ENOX1: variants seen among roughly 807,000 people sequenced by gnomAD.
The protein encoded by ENOX1 is candidate growth-related and time keeping constitutive hydroquinone (NADH) oxidase.
A neutral mutation model predicts 82.5 loss-of-function variants in ENOX1; 42 were observed. That is an observed-to-expected ratio of 0.51 (90% CI 0.40 to 0.66). The LOEUF (loss-of-function observed/expected upper bound fraction) is 0.66. Ranked by LOEUF, ENOX1 falls within the 30% of genes least tolerant of loss-of-function variation. The probability of loss-of-function intolerance (pLI) is 0.00; values close to 1 mark genes in which losing one functional copy is unlikely to be tolerated. For missense variants in ENOX1, 608 were observed against 811.6 expected (o/e 0.75, Z 3.05); for synonymous variants, 271 against 282.2 (o/e 0.96, Z 0.40).
rs146299003 is a variant in ENOX1 at position 43,333,210 on chromosome 13, G to C, written c.1037-6685C>G. 1.3e-3 allele frequency among the ~76,000 whole-genome samples: 195 copies of C among 152,288 alleles called. 4 individuals are homozygous for C. The East Asian group carries it at 0.025, about 19-fold the overall frequency. On this transcript the variant is annotated intron_variant, in intron 9 of 16. Coordinates refer to ENST00000690772, the MANE Select transcript of ENOX1 (RefSeq NM_001347969.2). ...AAAATTCTTAGCAGTAGAAAGGCTAGATAAAAGAGCACCTGAATTTTTAAT... is the reference window on the plus strand; with the variant it reads ...AAAATTCTTAGCAGTAGAAAGGCTACATAAAAGAGCACCTGAATTTTTAAT...
rs1163694448 is a variant in ENOX1 at position 43,242,834 on chromosome 13, C to T, written c.1612-6096G>A. ...GATACAGGGCTCCTATGTAAAGCTT[C>T]ATTTAAAGAAATGTCCTTAGGCCGG... On this transcript the variant is annotated intron_variant, in intron 14 of 16. Transcript: ENST00000690772. Among the ~76,000 whole-genome samples, 9 of 152,306 alleles carry T rather than the reference C, an allele frequency of 5.9e-5. No individual in the cohort carries two copies. The South Asian group carries it at 1.9e-3, about 32-fold the overall frequency.
intron 1 of ENOX1, among the ~76,000 whole-genome samples, chr13:43,722,113 G>A (rs954542766): frequency 4.6e-5 from 7 of 152,172 alleles, no homozygotes; most frequent in Admixed American, 6.5e-5. Context: ...AATTGGATTA[G>A]TCTTTGTGAT....
rs1414598167 is a variant in ENOX1 at position 43,597,736 on chromosome 13, C to G, written c.-219+69743G>C. On this transcript the variant is annotated intron_variant, in intron 2 of 16. Coordinates refer to ENST00000690772, the MANE Select transcript of ENOX1 (RefSeq NM_001347969.2). ...TCTCCCATCTCACTCAGAGAAAAAG[C>G]TGAGTCCTTACATCAGCCTGCAGGG... 3.3e-5 allele frequency among the ~76,000 whole-genome samples: 5 copies of G among 152,192 alleles called. No homozygotes were observed. The East Asian group carries it at 7.7e-4, about 23-fold the overall frequency.
At chr13:43,512,263 A>G (rs2077397785) in intron 2 of ENOX1, among the ~76,000 whole-genome samples, 1 of 152,070 alleles carries the variant, frequency 6.6e-6, no homozygotes, top group Admixed American at 6.6e-5. Context: ...ATATACTTCT[A>G]ATTACCCAGC....
intron 12 of ENOX1, among the ~76,000 whole-genome samples, chr13:43,273,205 A>T (rs2044794293): frequency 1.3e-5 from 2 of 152,244 alleles, no homozygotes; most frequent in Middle Eastern, 3.4e-3. Flanking sequence ...CTTGAAGTCA[A>T]CGCTGGCCCT....
At chr13:43,585,619 C>T (rs1019233078) in intron 2 of ENOX1, among the ~76,000 whole-genome samples, 3 of 152,198 alleles carry the variant, frequency 2.0e-5, no homozygotes, top group African/African-American at 7.2e-5. Context: ...ACACTGTGGC[C>T]TGGGCTGGAG....
At chr13:43,752,365 G>A (rs1370499298) in intron 1 of ENOX1, among the ~76,000 whole-genome samples, 1 of 152,070 alleles carries the variant, frequency 6.6e-6, no homozygotes, top group Non-Finnish European at 1.5e-5. Context: ...CTTTTGATGA[G>A]CAGAAATTTT....
chr13:43,353,681 A>C (rs2049956660), intron 8 of ENOX1, among the ~76,000 whole-genome samples: 1 of 152,228 alleles, frequency 6.6e-6, no homozygotes, highest in African/African-American at 2.4e-5. Context: ...GCTTGGGTTG[A>C]AATTGTCAAG....
intron 1 of ENOX1, among the ~76,000 whole-genome samples, chr13:43,778,329 A>T (rs1026396230): frequency 1.3e-5 from 2 of 152,150 alleles, no homozygotes; most frequent in African/African-American, 4.8e-5. Context: ...TTACCCCTTT[A>T]TCCCCTTTGG....
intron 11 of ENOX1, among the ~76,000 whole-genome samples, chr13:43,312,165 T>A (rs1014608421): frequency 6.6e-6 from 1 of 152,162 alleles, no homozygotes; most frequent in Non-Finnish European, 1.5e-5. Flanking sequence ...TCTCATTAAT[T>A]TAGGACATTG....
At chr13:43,295,187 T>C (rs1285700872) in intron 12 of ENOX1, among the ~76,000 whole-genome samples, 1 of 152,214 alleles carries the variant, frequency 6.6e-6, no homozygotes, top group African/African-American at 2.4e-5. Flanking sequence ...TGTATAGTCT[T>C]TACTTGTACA....
intron 11 of ENOX1, among the ~76,000 whole-genome samples, chr13:43,309,173 C>T (rs2047045688): frequency 6.6e-6 from 1 of 151,982 alleles, no homozygotes; most frequent in Non-Finnish European, 1.5e-5. Context: ...AGGTGTGTGC[C>T]ACCACACCTG....
At chr13:43,717,971 T>G (rs533112327) in intron 1 of ENOX1, among the ~76,000 whole-genome samples, 1 of 152,212 alleles carries the variant, frequency 6.6e-6, no homozygotes, top group Non-Finnish European at 1.5e-5. Flanking sequence ...GAAAGAAGCC[T>G]GGAGATTTCT....
intron 2 of ENOX1, among the ~76,000 whole-genome samples, chr13:43,577,288 C>T (rs532984651): frequency 1.3e-5 from 2 of 152,216 alleles, no homozygotes; most frequent in South Asian, 4.1e-4. Flanking sequence ...TGCTCCACCA[C>T]ACCCGACTAA....
At chr13:43,611,508 A>G (rs1487134649) in intron 2 of ENOX1, among the ~76,000 whole-genome samples, 2 of 152,190 alleles carry the variant, frequency 1.3e-5, no homozygotes, top group African/African-American at 4.8e-5. Flanking sequence ...GATGATGATG[A>G]AGATCCACAA....
At chr13:43,254,246 C>T (rs1041481293) in intron 14 of ENOX1, among the ~76,000 whole-genome samples, 11 of 152,136 alleles carry the variant, frequency 7.2e-5, no homozygotes, top group African/African-American at 2.4e-4. Context: ...AAAGAAGGTT[C>T]GGACATAGAG....
intron 2 of ENOX1, among the ~76,000 whole-genome samples, chr13:43,539,256 T>C (rs1421133715): frequency 6.6e-6 from 1 of 152,238 alleles, no homozygotes; most frequent in African/African-American, 2.4e-5. Context: ...TTCTAAGTTT[T>C]TGAGATGAAT....
chr13:43,596,163 T>A lies in ENOX1; in HGVS notation c.-219+71316A>T, dbSNP rs184122981. ...AAAAAAATGACATTATACATTCACA[T>A]CTGGCTCTGTCACCATTTAGGGCAT... On this transcript the variant is annotated intron_variant, in intron 2 of 16. Coordinates refer to ENST00000690772, the MANE Select transcript of ENOX1 (RefSeq NM_001347969.2). 2.0e-5 allele frequency among the ~76,000 whole-genome samples: 3 copies of A among 152,356 alleles called. No individual in the cohort carries two copies. The East Asian group carries it at 5.8e-4, about 29-fold the overall frequency.
At chr13:43,438,346 T>C (rs996999055) in intron 3 of ENOX1, among the ~76,000 whole-genome samples, 5 of 151,804 alleles carry the variant, frequency 3.3e-5, no homozygotes, top group African/African-American at 1.2e-4. Context: ...GCAGCGGAGA[T>C]GAAGAGAGGG....
Sources: allele counts gnomAD v4.1 joint callset (sites outside exome capture counted in the v4.1 genomes callset), GRCh38; gene constraint gnomAD v4.1.1; transcripts MANE v1.5; gene names NCBI Gene and HGNC (gene_info 2026-07-23, HGNC 2026-07-21).